HEATR5B: variants seen among roughly 807,000 people sequenced by gnomAD.
The protein encoded by HEATR5B is HEAT repeat containing 5B.
Under a neutral mutation model 224.1 loss-of-function variants are expected in HEATR5B, and 156 were observed. That is an observed-to-expected ratio of 0.70 (90% CI 0.61 to 0.80). The LOEUF (loss-of-function observed/expected upper bound fraction) is 0.80. Ranked by LOEUF, HEATR5B falls within the 30% of genes least tolerant of loss-of-function variation. The pLI, the probability that HEATR5B is intolerant of heterozygous loss-of-function variation, is 0.00. For missense variants in HEATR5B, 2,323 were observed against 2,535.5 expected, an observed-to-expected ratio of 0.92 and a Z score of 1.80; for synonymous variants, 1,027 against 893.0, an observed-to-expected ratio of 1.15 and a Z score of -2.68.
At chr2:37,066,263 GCAAGATGTT>G (rs1234315847) in intron 8 of HEATR5B, among the ~76,000 whole-genome samples, 2 of 152,206 alleles carry the variant, frequency 1.3e-5, no homozygotes, top group African/African-American at 4.8e-5. Flanking sequence ...GTGACATTGA[GCAAGATGTT>G]CAATTTTTCT....
At chr2:37,009,787 T>C (rs1239402732) in intron 27 of HEATR5B, among the ~76,000 whole-genome samples, 1 of 151,598 alleles carries the variant, frequency 6.6e-6, no homozygotes, top group African/African-American at 2.4e-5. Flanking sequence ...CCACTTTTTT[T>C]TTTTTTTTTT....
chr2:37,029,900 C>T (rs886278166), intron 22 of HEATR5B, among the ~76,000 whole-genome samples: 2 of 150,988 alleles, frequency 1.3e-5, no homozygotes, highest in African/African-American at 2.4e-5. Context: ...GACCGTGCCA[C>T]TACACTCCAG....
chr2:37,035,665 A>G (rs1669433524), intron 21 of HEATR5B, among the ~76,000 whole-genome samples: 1 of 152,128 alleles, frequency 6.6e-6, no homozygotes, highest in African/African-American at 2.4e-5. Context: ...CTGCTTCTAC[A>G]TATTTCTGGC....
At chr2:37,007,730 C>G (rs1667524012) in intron 28 of HEATR5B, among the ~76,000 whole-genome samples, 1 of 152,216 alleles carries the variant, frequency 6.6e-6, no homozygotes, top group Non-Finnish European at 1.5e-5. Context: ...GGCTTCTCCT[C>G]TTTATAAAGC....
At chr2:37,037,530 A>G (rs1325061587) in intron 21 of HEATR5B, among the ~76,000 whole-genome samples, 1 of 152,188 alleles carries the variant, frequency 6.6e-6, no homozygotes, top group African/African-American at 2.4e-5. Flanking sequence ...AATAAAATGA[A>G]TTGTCATAAA....
intron 18 of HEATR5B, among the ~76,000 whole-genome samples, chr2:37,042,601 G>C (rs1669940720): frequency 6.6e-6 from 1 of 152,152 alleles, no homozygotes; most frequent in Admixed American, 6.6e-5. Flanking sequence ...TTTAAGAAGA[G>C]ATGAGGCAGG....
chr2:37,040,008 A>T (rs1183416140), intron 20 of HEATR5B, among the ~76,000 whole-genome samples: 2 of 152,234 alleles, frequency 1.3e-5, no homozygotes, highest in Non-Finnish European at 2.9e-5. Context: ...GCAAAAGTCC[A>T]TGAAGACATG....
intron 21 of HEATR5B, among the ~76,000 whole-genome samples, chr2:37,036,859 G>T (rs1236938405): frequency 6.6e-6 from 1 of 151,886 alleles, no homozygotes; most frequent in Non-Finnish European, 1.5e-5. Flanking sequence ...TCAGGATTAT[G>T]ATAGGCCTCC....
Position 37,082,052 on chromosome 2 carries a change from C to CTTTTT in HEATR5B, c.126+1232_126+1236dup, listed in dbSNP as rs61036576. Reference sequence around the variant, plus strand: ...ATCAGACATTTGAGGGAAGTATCTACTTTTTTTTTTTTTTTTTTTTTTTTT... The same window carrying CTTTTT: ...ATCAGACATTTGAGGGAAGTATCTACTTTTTTTTTTTTTTTTTTTTTTTTTTTTTT... On this transcript the variant is annotated intron_variant, in intron 2 of 35. Coordinates refer to ENST00000233099, the MANE Select transcript of HEATR5B (RefSeq NM_019024.3). Among the ~76,000 whole-genome samples, 43 of 23,958 alleles carry CTTTTT rather than the reference C, an allele frequency of 1.8e-3. 8 individuals are homozygous for CTTTTT. Among genetic ancestry groups the CTTTTT allele is most frequent in the African/African-American group, 2.6e-3 (18 of 6,798 alleles). The allele number at this position is 23,958 out of a possible 152,430, so 15.7% of individuals were successfully genotyped here. A position where few individuals can be genotyped will look rare whatever the true frequency, so the allele number is the denominator to read the frequency against.
chr2:37,004,747 T>C (rs1336162696), intron 30 of HEATR5B, among the ~76,000 whole-genome samples: 2 of 152,220 alleles, frequency 1.3e-5, no homozygotes, highest in East Asian at 3.8e-4. Context: ...CTCCTGAAAC[T>C]TCTCTAGCAG....
At position 37,028,100 on chromosome 2, in the gene HEATR5B, TATCATC is replaced by T; in HGVS notation, c.3670_3675del (p.Asp1224_Asp1225del). ...TCTTCACCTAACGTGGTAAACATGGTATCATCATCCATCTCATCTTTCTTTTCAGCT... is the reference window on the plus strand; with the variant it reads ...TCTTCACCTAACGTGGTAAACATGGTATCCATCTCATCTTTCTTTTCAGCT... On this transcript the variant is annotated inframe_deletion, in exon 24 of 36. Transcript: ENST00000233099. The T allele has an allele frequency of 6.2e-7, 1 of 1,613,332 alleles. No individual in the cohort carries two copies. Among genetic ancestry groups the T allele is most frequent in the Non-Finnish European group, 8.5e-7 (1 of 1,179,256 alleles).
chr2:37,022,931 A>G (rs1668551977), intron 24 of HEATR5B, among the ~76,000 whole-genome samples: 1 of 152,196 alleles, frequency 6.6e-6, no homozygotes, highest in Non-Finnish European at 1.5e-5. Context: ...CCAAGAATGC[A>G]AAGAAGTAGG....
In HEATR5B at chr2:37,053,719, A is replaced by T. The variant is rs1460610562; in HGVS notation, c.2400-112T>A. 13 of 569,546 alleles carry T rather than the reference A, an allele frequency of 2.3e-5. No individual in the cohort carries two copies. The South Asian group carries it at 3.6e-4, about 16-fold the overall frequency. The allele number at this position is 569,546 out of a possible 1,614,324, so 35.3% of individuals were successfully genotyped here. ...TGTTTAGCAAATAATTCCCCATGCT[A>T]TCTCTTTTCTATTTCATTCCCACAG... On this transcript the variant is annotated intron_variant, in intron 16 of 35. Coordinates refer to ENST00000233099, the MANE Select transcript of HEATR5B (RefSeq NM_019024.3).
intron 21 of HEATR5B, among the ~76,000 whole-genome samples, chr2:37,035,573 A>T (rs992015783): frequency 6.6e-6 from 1 of 152,104 alleles, no homozygotes; most frequent in Non-Finnish European, 1.5e-5. Context: ...CAGCTTGTCA[A>T]TTTTTCCAAA....
intron 2 of HEATR5B, among the ~76,000 whole-genome samples, chr2:37,080,170 A>G (rs1436240882): frequency 6.6e-6 from 1 of 152,192 alleles, no homozygotes; most frequent in Non-Finnish European, 1.5e-5. Flanking sequence ...AGAAAGTAGT[A>G]AGAGATGAAT....
At position 37,017,777 on chromosome 2, in the gene HEATR5B, T is replaced by C. The variant is rs140104881; in HGVS notation, c.4104+2032A>G. 6.0e-3 allele frequency among the ~76,000 whole-genome samples: 904 copies of C among 151,690 alleles called. 14 individuals are homozygous for C. The highest frequency in any genetic ancestry group is 0.02 in the African/African-American group (842 of 41,396). Reference sequence around the variant, plus strand: ...GTTTATGAAGAATGACAAAGTAGCATTGAATTAGTAAAATAATATTCAGAG... The same window carrying C: ...GTTTATGAAGAATGACAAAGTAGCACTGAATTAGTAAAATAATATTCAGAG... On this transcript the variant is annotated intron_variant, in intron 26 of 35. Coordinates refer to ENST00000233099, the MANE Select transcript of HEATR5B (RefSeq NM_019024.3).
chr2:37,080,409 C>A (rs1427261987), intron 2 of HEATR5B, among the ~76,000 whole-genome samples: 1 of 152,068 alleles, frequency 6.6e-6, no homozygotes, highest in Non-Finnish European at 1.5e-5. Flanking sequence ...TGCAATAATC[C>A]AGATGAGAGA....
intron 35 of HEATR5B, among the ~76,000 whole-genome samples, chr2:36,983,181 G>A (rs945414347): frequency 3.9e-5 from 6 of 152,036 alleles, no homozygotes; most frequent in Non-Finnish European, 7.4e-5. Context: ...TAAAGTCCCA[G>A]GTAAATCCTC....
chr2:37,040,480 A>G lies in HEATR5B; in HGVS notation c.2895T>C (p.Ser965=). ...CATAGCCACGATACATCGGACCACT[A>G]GAATCCACTATCAAAGCAAGTGAAT... ...SLHSLALIVD[S]SGPMYRGYVE... is the part of the protein sequence containing the mutation. Residue 965 remains serine (S), a synonymous_variant, in exon 20 of 36, where the codon TCT becomes TCC. Coordinates refer to ENST00000233099, the MANE Select transcript of HEATR5B (RefSeq NM_019024.3). 2 of 1,612,622 alleles carry G rather than the reference A, an allele frequency of 1.2e-6. No homozygotes were observed. The highest frequency in any genetic ancestry group is 8.5e-7 in the Non-Finnish European group (1 of 1,179,604).
Sources: allele counts gnomAD v4.1 joint callset (sites outside exome capture counted in the v4.1 genomes callset), GRCh38; gene constraint gnomAD v4.1.1; transcripts MANE v1.5; gene names NCBI Gene and HGNC (gene_info 2026-07-23, HGNC 2026-07-21).